Variants in ZFPM2 observed in about 807,000 individuals in gnomAD.
ZFPM2 encodes zinc finger protein ZFPM2.
In ZFPM2, 20 loss-of-function variants were observed where a neutral mutation model predicts 98.6. The observed-to-expected ratio is 0.20, with a 90% CI of 0.14 to 0.29. The LOEUF is 0.29. Among genes scored for constraint, ZFPM2 ranks in the 10% least tolerant of loss-of-function variants. ZFPM2 has a pLI of 1.00. For missense variants in ZFPM2, 1,310 were observed against 1,388.6 expected (o/e 0.94, Z 0.90); for synonymous variants, 518 against 502.7 (o/e 1.03, Z -0.41).
At chr8:105,756,889 C>T (rs1441932960) in intron 5 of ZFPM2, among the ~76,000 whole-genome samples, 1 of 152,052 alleles carries the variant, frequency 6.6e-6, no homozygotes, top group African/African-American at 2.4e-5. Context: ...GTGCAGATGG[C>T]GATGCCGTGA....
At position 105,562,466 on chromosome 8, in the gene ZFPM2, A is replaced by T. The variant is rs575202408; in HGVS notation, c.420+985A>T. 4.6e-5 allele frequency among the ~76,000 whole-genome samples: 7 copies of T among 152,330 alleles called. No individual in the cohort carries two copies. The East Asian group carries it at 1.2e-3, about 25-fold the overall frequency. On this transcript the variant is annotated intron_variant, in intron 4 of 7. Transcript: ENST00000407775. ...CACAAACTTTGTGCCTTAAAACAAC[A>T]TAAACTTATTATCTTGCAGTTATGG...
At chr8:105,735,270 A>G (rs992018907) in intron 5 of ZFPM2, among the ~76,000 whole-genome samples, 2 of 151,344 alleles carry the variant, frequency 1.3e-5, no homozygotes, top group African/African-American at 2.4e-5. Context: ...GAAAATATTA[A>G]TATGTGCCCT....
At chr8:105,431,328 C>T (rs1812016371) in intron 2 of ZFPM2, among the ~76,000 whole-genome samples, 1 of 152,150 alleles carries the variant, frequency 6.6e-6, no homozygotes, top group Non-Finnish European at 1.5e-5. Flanking sequence ...ATATAAAATG[C>T]ATAGCTTTTA....
At chr8:105,480,710 A>G (rs1314633264) in intron 3 of ZFPM2, among the ~76,000 whole-genome samples, 1 of 151,538 alleles carries the variant, frequency 6.6e-6, no homozygotes, top group East Asian at 1.9e-4. Context: ...TGCAGGCAAT[A>G]TGTGTTTCCT....
chr8:105,754,530 C>T (rs562814980), intron 5 of ZFPM2, among the ~76,000 whole-genome samples: 49 of 152,154 alleles, frequency 3.2e-4, no homozygotes, highest in Non-Finnish European at 5.9e-4. Context: ...GAATAAAAGA[C>T]GTCAGGAGCA....
intron 5 of ZFPM2, chr8:105,678,775 C>T (rs1324699258): frequency 2.0e-5 from 3 of 152,208 alleles, no homozygotes; most frequent in African/African-American, 7.2e-5. Context: ...TTGTGACAGT[C>T]AAGCTACAGT....
chr8:105,665,111 C>T (rs936134307), intron 5 of ZFPM2, among the ~76,000 whole-genome samples: 16 of 152,082 alleles, frequency 1.1e-4, no homozygotes, highest in Non-Finnish European at 1.6e-4. Context: ...TGCCTTATAA[C>T]GTGGTGGAAG....
chr8:105,508,592 C>G (rs61172812), intron 3 of ZFPM2, among the ~76,000 whole-genome samples: 1,799 of 152,170 alleles, frequency 0.012, 43 homozygotes, highest in African/African-American at 0.041. Flanking sequence ...TAAGGTAATC[C>G]TATACACAGG....
At chr8:105,589,988 G>A (rs1395707693) in intron 4 of ZFPM2, among the ~76,000 whole-genome samples, 1 of 152,164 alleles carries the variant, frequency 6.6e-6, no homozygotes, top group East Asian at 1.9e-4. Flanking sequence ...CCAGAGTGCT[G>A]GGATTACAGG....
At chr8:105,348,916 T>A (rs1812588820) in intron 1 of ZFPM2, among the ~76,000 whole-genome samples, 2 of 152,204 alleles carry the variant, frequency 1.3e-5, no homozygotes, top group Non-Finnish European at 2.9e-5. Context: ...TGAATTCCCA[T>A]ATGATCAGCA....
chr8:105,521,727 G>T (rs917733662), intron 3 of ZFPM2, among the ~76,000 whole-genome samples: 15 of 152,158 alleles, frequency 9.9e-5, no homozygotes, highest in African/African-American at 3.4e-4. Flanking sequence ...ATAGGCATGT[G>T]CCACCATGCT....
intron 5 of ZFPM2, among the ~76,000 whole-genome samples, chr8:105,711,379 C>T (rs1366246060): frequency 2.0e-5 from 3 of 151,964 alleles, no homozygotes; most frequent in Non-Finnish European, 2.9e-5. Context: ...ATTATTACAC[C>T]TCAGATTTCT....
At chr8:105,501,757 T>G (rs1400877557) in intron 3 of ZFPM2, among the ~76,000 whole-genome samples, 1 of 152,164 alleles carries the variant, frequency 6.6e-6, no homozygotes, top group Non-Finnish European at 1.5e-5. Context: ...AGTGCTGGGA[T>G]TACAGGTGTG....
At chr8:105,528,838 A>T (rs1248052130) in intron 3 of ZFPM2, 1 of 152,138 alleles carries the variant, frequency 6.6e-6, no homozygotes, top group East Asian at 1.9e-4. Context: ...ACATACCATG[A>T]TATTCAGCCA....
At chr8:105,436,512 CAAA>C (rs11295878) in intron 2 of ZFPM2, among the ~76,000 whole-genome samples, 8 of 100,536 alleles carry the variant, frequency 8.0e-5, no homozygotes, top group Admixed American at 9.9e-5. Context: ...AACTCCGTCT[CAAA>C]AAAAAAAAAA....
intron 4 of ZFPM2, among the ~76,000 whole-genome samples, chr8:105,626,846 G>A (rs1367006050): frequency 1.3e-5 from 2 of 152,058 alleles, no homozygotes; most frequent in Admixed American, 1.3e-4. Flanking sequence ...TATATCTCAC[G>A]GCATTGGCAT....
chr8:105,530,581 G>A (rs1177534946), intron 3 of ZFPM2, among the ~76,000 whole-genome samples: 1 of 152,126 alleles, frequency 6.6e-6, no homozygotes, highest in Non-Finnish European at 1.5e-5. Context: ...GTAAACATGA[G>A]AGAGCGAGAG....
chr8:105,543,722 T>C (rs1488394615), intron 3 of ZFPM2, among the ~76,000 whole-genome samples: 1 of 152,212 alleles, frequency 6.6e-6, no homozygotes, highest in African/African-American at 2.4e-5. Flanking sequence ...CTTTCCTCCT[T>C]CTGTCCCTCC....
intron 5 of ZFPM2, among the ~76,000 whole-genome samples, chr8:105,729,095 T>C (rs1425738880): frequency 6.6e-6 from 1 of 151,754 alleles, no homozygotes; most frequent in Non-Finnish European, 1.5e-5. Flanking sequence ...CAAAGTGTCA[T>C]ATTTGAAAAT....
Sources: allele counts gnomAD v4.1 joint callset (sites outside exome capture counted in the v4.1 genomes callset), GRCh38; gene constraint gnomAD v4.1.1; transcripts MANE v1.5; gene names NCBI Gene and HGNC (gene_info 2026-07-23, HGNC 2026-07-21).